Variants in GLTPD2 observed in about 807,000 individuals in gnomAD.
GLTPD2 encodes the protein glycolipid transfer protein domain-containing protein 2.
GLTPD2 carries 12 observed loss-of-function variants against 12.9 expected under a neutral mutation model. That is an observed-to-expected ratio of 0.93 (90% confidence interval 0.59 to 1.50). GLTPD2 has a LOEUF of 1.50. GLTPD2 is among the 40% of genes most tolerant of loss of function. The pLI is 0.00. For synonymous variants in GLTPD2, 199 were observed against 205.6 expected, an observed-to-expected ratio of 0.97 and a Z score of 0.27; for missense variants, 450 against 426.2, an observed-to-expected ratio of 1.06 and a Z score of -0.49.
rs772836869 is a variant in GLTPD2 at position 4,789,865 on chromosome 17, T to C, written c.445T>C (p.Trp149Arg). ...GCACGGCCCGGACGCGGAGCACTAC[T>C]GGTCGCTGGTGGCCATGGCGGCGTG... ...RVHGPDAEHY[W>R]SLVAMAAWER... Residue 149 changes from tryptophan (W) to arginine (R), a missense_variant, in exon 4 of 4, where the codon TGG becomes CGG. Physicochemically the swap from Trp to Arg is moderately radical, Grantham distance 101 (BLOSUM62 -3). Coordinates refer to ENST00000331264, the MANE Select transcript of GLTPD2 (RefSeq NM_001014985.3). 2 of 1,592,632 alleles carry C rather than the reference T, an allele frequency of 1.3e-6. No homozygotes were observed. Among genetic ancestry groups the C allele is most frequent in the Admixed American group, 1.8e-5 (1 of 56,694 alleles).
At position 4,789,167 on chromosome 17, in the gene GLTPD2, G is replaced by A. The variant is rs767787547; in HGVS notation, c.106+50G>A. 4 of 1,607,384 alleles carry A rather than the reference G, an allele frequency of 2.5e-6. No homozygotes were observed. The East Asian group carries it at 9.0e-5, about 36-fold the overall frequency. ...CTCCGGGAGGAAGCCCGGAATCCAG[G>A]CCCTCACGACTCAAGCCTCTTTCTC... On this transcript the variant is annotated intron_variant, in intron 1 of 3. Transcript: ENST00000331264.
rs1917624211 is a variant in GLTPD2, at chr17:4,789,943, A to G, written c.523A>G (p.Thr175Ala). 1 of 1,539,248 alleles carries G rather than the reference A, an allele frequency of 6.5e-7. No homozygotes were observed. Among genetic ancestry groups the G allele is most frequent in the East Asian group, 2.5e-5 (1 of 40,476 alleles). ...EQPGAAPRDP[T>A]RSSGSRTLLL... ...GCCGGGGGCGGCCCCCCGGGACCCG[A>G]CCCGGAGCTCGGGCTCTCGCACGCT... The change falls in exon 4 of 4, where the codon ACC becomes GCC. Residue 175 changes from threonine to alanine, a missense_variant. Transcript: ENST00000331264.
chr17:4,790,461 C>T lies in GLTPD2; in HGVS notation c.*165C>T, dbSNP rs1278746356. The stretch of plus-strand genomic sequence containing the variant: ...CCCCGGCAGGGAATGGCGTTGAGCT[C>T]CCTCTGTCCGCAGTCTCGGAAAGAC... On this transcript the variant is annotated 3_prime_UTR_variant, in exon 4 of 4. Coordinates refer to ENST00000331264, the MANE Select transcript of GLTPD2 (RefSeq NM_001014985.3). 2 of 479,176 alleles carry T rather than the reference C, an allele frequency of 4.2e-6. No individual in the cohort carries two copies. Among genetic ancestry groups the T allele is most frequent in the Non-Finnish European group, 6.9e-6 (2 of 289,972 alleles). The allele number at this position is 479,176 out of a possible 1,614,324, so 29.7% of individuals were successfully genotyped here.
At chr17:4,789,327 G>T (rs1367725697) in intron 2 of GLTPD2, 37 bp downstream of exon 2, 10 of 1,545,404 alleles carry the variant, frequency 6.5e-6, no homozygotes. Context: ...GGCGCTCCAG[G>T]AGGGACCAGA....
Position 4,790,137 on chromosome 17 carries a change from C to G in GLTPD2, c.717C>G (p.Leu239=), listed in dbSNP as rs750531568. The stretch of plus-strand genomic sequence containing the variant: ...GACAGACCGCCCGCCTCGCCTTCCT[C>G]GCCTTCCCGGGTCGCCGCCGCCTGC... The part of the protein sequence containing the change: ...LVRQTARLAF[L]AFPGRRRLLE... Residue 239 remains leucine (L), a synonymous_variant, in exon 4 of 4, where the codon CTC becomes CTG. Coordinates refer to ENST00000331264, the MANE Select transcript of GLTPD2 (RefSeq NM_001014985.3). The G allele has an allele frequency of 7.5e-6, 11 of 1,462,424 alleles. No individual in the cohort carries two copies. The highest frequency in any genetic ancestry group is 9.8e-6 in the Non-Finnish European group (11 of 1,117,604). 90.6% of individuals were successfully genotyped at this position (1,462,424 alleles called of 1,614,324 possible).
Position 4,790,347 on chromosome 17 carries a change from G to A in GLTPD2, c.*51G>A. 1 of 1,362,128 alleles carries A rather than the reference G, an allele frequency of 7.3e-7. No homozygotes were observed. The highest frequency in any genetic ancestry group is 9.5e-7 in the Non-Finnish European group (1 of 1,058,144). The allele number at this position is 1,362,128 out of a possible 1,614,324, so 84.4% of individuals were successfully genotyped here. A position where few individuals can be genotyped will look rare whatever the true frequency, so the allele number is the denominator to read the frequency against. ...AACGGAGCGGACCGCCCGGGGTGGG[G>A]CCGCGCAGCCCGGGGTCAGTCCTGC... is the stretch of plus-strand genomic sequence containing the variant. On this transcript the variant is annotated 3_prime_UTR_variant, in exon 4 of 4. Coordinates refer to ENST00000331264, the MANE Select transcript of GLTPD2 (RefSeq NM_001014985.3).
chr17:4,789,066 C>A lies in GLTPD2; in HGVS notation c.55C>A (p.Pro19Thr). 6.2e-7 allele frequency: 1 copy of A among 1,614,010 alleles called. No homozygotes were observed. Among genetic ancestry groups the A allele is most frequent in the South Asian group, 1.1e-5 (1 of 91,078 alleles). Residue 19 changes from proline (P) to threonine (T), a missense_variant, in exon 1 of 4, where the codon CCT (proline) becomes ACT (threonine). Physicochemically the swap from Pro to Thr is conservative, Grantham distance 38. Coordinates refer to ENST00000331264, the MANE Select transcript of GLTPD2 (RefSeq NM_001014985.3). ...GCGGCACTGGTTCAGCCACTCAATT[C>A]CTCTCGCTATCTTCGCGCTGCTGCT... ...ALRHWFSHSI[P>T]LAIFALLLLY...
Position 4,789,776 on chromosome 17 carries a change from G to C in GLTPD2, c.356G>C (p.Gly119Ala). The change falls in exon 4 of 4, where the codon GGC becomes GCC. Residue 119 changes from glycine (G) to alanine (A), a missense_variant. Coordinates refer to ENST00000331264, the MANE Select transcript of GLTPD2 (RefSeq NM_001014985.3). ...GCCCGCAGGTTCCTGACTCCCCTCG[G>C]CTCCGTCTTCGCCTTCGCCACTAGG... ...RALVEFLTPL[G>A]SVFAFATREA... 1 of 1,613,294 alleles carries C rather than the reference G, an allele frequency of 6.2e-7. No homozygotes were observed. The highest frequency in any genetic ancestry group is 8.5e-7 in the Non-Finnish European group (1 of 1,179,674).
In GLTPD2 at chr17:4,790,241, T is replaced by A; in HGVS notation, c.821T>A (p.Val274Asp). 6.7e-7 allele frequency: 1 copy of A among 1,485,558 alleles called. No homozygotes were observed. The allele number at this position is 1,485,558 out of a possible 1,614,324, so 92.0% of individuals were successfully genotyped here. The change falls in exon 4 of 4, where the codon GTC becomes GAC. Residue 274 changes from valine to aspartate, a missense_variant. Coordinates refer to ENST00000331264, the MANE Select transcript of GLTPD2 (RefSeq NM_001014985.3). ...LVRAAGTLED[V>D]YNRTQSLLAE... ...CGGGCCGCCGGCACCTTGGAGGATG[T>A]CTACAACCGCACCCAGAGCCTGCTG...
Position 4,790,487 on chromosome 17 carries a change from G to A in GLTPD2, c.*191G>A, listed in dbSNP as rs1917643082. The A allele has an allele frequency of 6.8e-6, 3 of 438,740 alleles. No individual in the cohort carries two copies. The highest frequency in any genetic ancestry group is 4.1e-5 in the African/African-American group (2 of 48,448). The allele number at this position is 438,740 out of a possible 1,614,324, so 27.2% of individuals were successfully genotyped here. ...CCTCTGTCCGCAGTCTCGGAAAGAC[G>A]GGAGGAGCTGTGAGGAATAAAAAAG... On this transcript the variant is annotated 3_prime_UTR_variant, in exon 4 of 4. Coordinates refer to ENST00000331264, the MANE Select transcript of GLTPD2 (RefSeq NM_001014985.3).
intron 1 of GLTPD2, 38 bp downstream of exon 1, chr17:4,789,155 C>T (rs566943409): frequency 1.9e-6 from 3 of 1,609,528 alleles, no homozygotes; most frequent in Non-Finnish European, 1.7e-6. Flanking sequence ...CGGGAGGAAG[C>T]CCGGAATCCA....
rs1324287398 is a variant in GLTPD2 at position 4,789,774 on chromosome 17, C to T, written c.354C>T (p.Leu118=). 6 of 1,613,466 alleles carry T rather than the reference C, an allele frequency of 3.7e-6. No homozygotes were observed. Among genetic ancestry groups the T allele is most frequent in the Non-Finnish European group, 5.1e-6 (6 of 1,179,748 alleles). The change falls in exon 4 of 4, where the codon CTC becomes CTT. Residue 118 remains leucine (L), a synonymous_variant. Transcript: ENST00000331264. ...TCGCCCGCAGGTTCCTGACTCCCCT[C>T]GGCTCCGTCTTCGCCTTCGCCACTA... The part of the protein sequence containing the change: ...WRALVEFLTP[L]GSVFAFATRE...
chr17:4,789,538 G>A lies in GLTPD2; in HGVS notation c.199G>A (p.Ala67Thr), dbSNP rs115334480. The A allele has an allele frequency of 7.1e-4, 1,139 of 1,613,976 alleles. 5 individuals carry two copies. In the African/African-American group the frequency reaches 0.014, roughly 20 times the overall value. The change falls in exon 3 of 4, where the codon GCC becomes ACC. Residue 67 changes from alanine to threonine, a missense_variant. By Grantham distance (58) the Ala-to-Thr change is moderately conservative. Coordinates refer to ENST00000331264, the MANE Select transcript of GLTPD2 (RefSeq NM_001014985.3). The stretch of plus-strand genomic sequence containing the variant: ...CCGGCAGGAGTCGGGAACCCTGGAG[G>A]CCCCGGAGAGGAAACAGCCTCCGTG... ...QVRQESGTLE[A>T]PERKQPPCLG...
Position 4,789,856 on chromosome 17 carries a change from G to A in GLTPD2, c.436G>A (p.Glu146Lys). The A allele has an allele frequency of 6.2e-7, 1 of 1,600,806 alleles. No individual in the cohort carries two copies. The highest frequency in any genetic ancestry group is 2.3e-5 in the East Asian group (1 of 43,954). ...GGCTCGGGTGCACGGCCCGGACGCGGAGCACTACTGGTCGCTGGTGGCCAT... is the reference window on the plus strand; with the variant it reads ...GGCTCGGGTGCACGGCCCGGACGCGAAGCACTACTGGTCGCTGGTGGCCAT... ...LEARVHGPDA[E>K]HYWSLVAMAA... The change falls in exon 4 of 4, where the codon GAG becomes AAG. Residue 146 changes from glutamate (E) to lysine (K), a missense_variant. Coordinates refer to ENST00000331264, the MANE Select transcript of GLTPD2 (RefSeq NM_001014985.3).
Position 4,789,904 on chromosome 17 carries a change from G to A in GLTPD2, c.484G>A (p.Gly162Arg). ...CATGGCGGCGTGGGAGCGGAGGGCGGGACTGCTGGAGCAGCCGGGGGCGGC... is the reference window on the plus strand; with the variant it reads ...CATGGCGGCGTGGGAGCGGAGGGCGAGACTGCTGGAGCAGCCGGGGGCGGC... ...VAMAAWERRA[G>R]LLEQPGAAPR... is the part of the protein sequence containing the mutation. The change falls in exon 4 of 4, where the codon GGA (glycine) becomes AGA (arginine). Residue 162 changes from glycine (G) to arginine (R), a missense_variant. Gly to Arg is a moderately radical substitution (Grantham distance 125). Coordinates refer to ENST00000331264, the MANE Select transcript of GLTPD2 (RefSeq NM_001014985.3). 6.4e-7 allele frequency: 1 copy of A among 1,557,334 alleles called. No homozygotes were observed. The highest frequency in any genetic ancestry group is 8.7e-7 in the Non-Finnish European group (1 of 1,152,158).
chr17:4,789,222 C>G lies in GLTPD2; in HGVS notation c.107-4C>G, dbSNP rs1917594768. 6.3e-7 allele frequency: 1 copy of G among 1,598,586 alleles called. No individual in the cohort carries two copies. Among genetic ancestry groups the G allele is most frequent in the Non-Finnish European group, 8.5e-7 (1 of 1,171,666 alleles). Reference sequence around the variant, plus strand: ...CCTCACCGCTCCGCTTCTCCTCTACCCAGGCGCCCGCTCGGGCTGCGGACC... The same window carrying G: ...CCTCACCGCTCCGCTTCTCCTCTACGCAGGCGCCCGCTCGGGCTGCGGACC... On this transcript the variant is annotated splice_region_variant and splice_polypyrimidine_tract_variant and intron_variant, in intron 1 of 3. Transcript: ENST00000331264.
chr17:4,789,611 C>G lies in GLTPD2; in HGVS notation c.272C>G (p.Ala91Gly). ...GGCCGCATGATGAGGCGGTTCCACG[C>G]CAGTCTGAAACCCGAAGGGGATGTG... Reference protein sequence around the residue: ...MLGRMMRRFHASLKPEGDVGL... With the variant: ...MLGRMMRRFHGSLKPEGDVGL... The change falls in exon 3 of 4, where the codon GCC becomes GGC. Residue 91 changes from alanine (A) to glycine (G), a missense_variant. Ala to Gly is a moderately conservative substitution (Grantham distance 60). Transcript: ENST00000331264. The G allele has an allele frequency of 6.2e-7, 1 of 1,613,992 alleles. No homozygotes were observed. The highest frequency in any genetic ancestry group is 1.7e-5 in the Admixed American group (1 of 60,032).
At position 4,789,215 on chromosome 17, in the gene GLTPD2, C is replaced by T. The variant is rs747779741; in HGVS notation, c.107-11C>T. On this transcript the variant is annotated splice_polypyrimidine_tract_variant and intron_variant, in intron 1 of 3. Transcript: ENST00000331264. ...CTCGAGCCCTCACCGCTCCGCTTCT[C>T]CTCTACCCAGGCGCCCGCTCGGGCT... The T allele has an allele frequency of 9.4e-6, 15 of 1,601,040 alleles. No individual in the cohort carries two copies. In the Admixed American group the frequency reaches 2.4e-4, roughly 26 times the overall value.
Position 4,789,529 on chromosome 17 carries a change from A to G in GLTPD2, c.190A>G (p.Thr64Ala). ...CCACCAGGTCCGGCAGGAGTCGGGA[A>G]CCCTGGAGGCCCCGGAGAGGAAACA... is the stretch of plus-strand genomic sequence containing the variant. ...APFQVRQESG[T>A]LEAPERKQPP... The change falls in exon 3 of 4, where the codon ACC becomes GCC. Residue 64 changes from threonine (T) to alanine (A), a missense_variant. Thr to Ala is a moderately conservative substitution (Grantham distance 58). Coordinates refer to ENST00000331264, the MANE Select transcript of GLTPD2 (RefSeq NM_001014985.3). 6.2e-7 allele frequency: 1 copy of G among 1,613,840 alleles called. No individual in the cohort carries two copies. The highest frequency in any genetic ancestry group is 8.5e-7 in the Non-Finnish European group (1 of 1,179,842).
Sources: gnomAD v4.1 joint callset for allele counts on GRCh38, gnomAD v4.1.1 for gene constraint, MANE v1.5 for transcripts, NCBI Gene and HGNC (gene_info 2026-07-23, HGNC 2026-07-21) for gene names.